The following AOX1 variants were observed in gnomAD, a reference collection of about 807,000 sequenced individuals.
AOX1 encodes aldehyde oxidase.
Under a neutral mutation model 169.5 loss-of-function variants are expected in AOX1, and 153 were observed. That is an observed-to-expected ratio of 0.90 (90% CI 0.79 to 1.03). AOX1 has a LOEUF of 1.03. AOX1 is among the 50% of genes least tolerant of loss of function. The pLI is 0.00. For synonymous variants in AOX1, 562 were observed against 581.9 expected (o/e 0.97, Z 0.49); for missense variants, 1,656 against 1,663.9 (o/e 1.00, Z 0.08).
At chr2:200,660,924 T>C (rs978183593) in intron 29 of AOX1, among the ~76,000 whole-genome samples, 1 of 152,172 alleles carries the variant, frequency 6.6e-6, no homozygotes, top group Non-Finnish European at 1.5e-5. Context: ...TGGAGAAAGC[T>C]GGAGAGAGGT....
At chr2:200,675,558 C>A (rs1372429649), downstream of AOX1, among the ~76,000 whole-genome samples, 3 of 152,112 alleles carry the variant, frequency 2.0e-5, no homozygotes, top group Non-Finnish European at 2.9e-5. Flanking sequence ...TAGCCTTCAA[C>A]CCAGGAATTC....
intron 20 of AOX1, among the ~76,000 whole-genome samples, chr2:200,629,226 A>T (rs370712083): frequency 6.6e-6 from 1 of 152,208 alleles, no homozygotes; most frequent in Non-Finnish European, 1.5e-5. Context: ...ATTGTGTCTT[A>T]TTAGCTGTGT....
intron 5 of AOX1, among the ~76,000 whole-genome samples, chr2:200,601,982 GA>G (rs1454517339): frequency 6.6e-6 from 1 of 151,868 alleles, no homozygotes; most frequent in East Asian, 1.9e-4. Flanking sequence ...CTTAGCTCTT[GA>G]ATGTGACTGT....
chr2:200,603,117 G>A (rs964920975), intron 6 of AOX1, 150 bp from the exon 7 acceptor site: 13 of 615,910 alleles, frequency 2.1e-5, no homozygotes, highest in African/African-American at 1.5e-4. Flanking sequence ...CATTAATGTT[G>A]GTTTGGATAT....
At chr2:200,650,051 C>T (rs543930344) in intron 25 of AOX1, among the ~76,000 whole-genome samples, 3 of 152,196 alleles carry the variant, frequency 2.0e-5, no homozygotes, top group Non-Finnish European at 2.9e-5. Context: ...CCCAATTCAT[C>T]TACCAGCTTT....
intron 32 of AOX1, among the ~76,000 whole-genome samples, chr2:200,667,937 T>G (rs533386602): frequency 1.3e-5 from 2 of 152,114 alleles, no homozygotes; most frequent in South Asian, 4.2e-4. Context: ...GACACATCAG[T>G]CAGGGGGGTT....
At chr2:200,632,020 T>G (rs570674632) in intron 20 of AOX1, among the ~76,000 whole-genome samples, 1 of 152,254 alleles carries the variant, frequency 6.6e-6, no homozygotes, top group Non-Finnish European at 1.5e-5. Context: ...GATTGCAATT[T>G]AAAACATCTC....
chr2:200,669,241 C>T (rs1214985378), intron 33 of AOX1, among the ~76,000 whole-genome samples: 7 of 152,246 alleles, frequency 4.6e-5, no homozygotes, highest in South Asian at 4.1e-4. Flanking sequence ...TCCAAGAGTT[C>T]GAGACCAGCC....
At chr2:200,587,778 TTTG>T (rs1279408688) in intron 1 of AOX1, among the ~76,000 whole-genome samples, 3 of 152,230 alleles carry the variant, frequency 2.0e-5, no homozygotes, top group African/African-American at 4.8e-5. Flanking sequence ...CAACACTGGC[TTTG>T]TTGTTTAGAC....
intron 11 of AOX1, 72 bp downstream of exon 11, chr2:200,609,207 T>C (rs2034579705): frequency 6.3e-7 from 1 of 1,598,526 alleles, no homozygotes; most frequent in Admixed American, 1.7e-5. Context: ...CATGACATTT[T>C]CATTCTTTTG....
rs1439414880 is a variant in AOX1, at chr2:200,642,717, T to C, written c.2763T>C (p.Arg921=). 6.2e-7 allele frequency: 1 copy of C among 1,614,162 alleles called. No homozygotes were observed. The highest frequency in any genetic ancestry group is 1.7e-5 in the Admixed American group (1 of 60,014). Residue 921 remains arginine, a synonymous_variant, in exon 25 of 35, where the codon CGT becomes CGC. Transcript: ENST00000374700. ...ACCTTCCATCCAACACAGCTTTTCGTGGGTTTGGCTTTCCTCAGGCAGCGC... is the reference window on the plus strand; with the variant it reads ...ACCTTCCATCCAACACAGCTTTTCGCGGGTTTGGCTTTCCTCAGGCAGCGC... The part of the protein sequence containing the change: ...RTNLPSNTAF[R]GFGFPQAALI...
intron 4 of AOX1, 60 bp from the exon 5 acceptor site, chr2:200,599,560 A>C: frequency 1.9e-5 from 24 of 1,241,524 alleles, no homozygotes; most frequent in Non-Finnish European, 1.9e-5. Context: ...GCAGGCTCTA[A>C]TTCATTAGGC....
intron 23 of AOX1, among the ~76,000 whole-genome samples, chr2:200,638,910 A>G (rs1268110240): frequency 3.9e-5 from 6 of 151,938 alleles, no homozygotes; most frequent in Non-Finnish European, 8.8e-5. Context: ...ATAATGCTCA[A>G]TATAATCATT....
At chr2:200,672,063 A>T (rs1001087182), downstream of AOX1, among the ~76,000 whole-genome samples, 1 of 152,262 alleles carries the variant, frequency 6.6e-6, no homozygotes, top group Admixed American at 6.5e-5. Context: ...TGCATATTAT[A>T]TGATTCCATC....
Position 200,595,480 on chromosome 2 carries a change from C to T in AOX1, c.200+112C>T, listed in dbSNP as rs979385827. The stretch of plus-strand genomic sequence containing the variant: ...TACCTACCATGTGAAAAGAACTGGC[C>T]ACTTGGCGTACAATGATGAACAAGA... On this transcript the variant is annotated intron_variant, in intron 3 of 34. Coordinates refer to ENST00000374700, the MANE Select transcript of AOX1 (RefSeq NM_001159.4). The T allele has an allele frequency of 2.3e-5, 15 of 650,804 alleles. No homozygotes were observed. In the Admixed American group the frequency reaches 4.4e-4, roughly 19 times the overall value. The allele number at this position is 650,804 out of a possible 1,614,324, so 40.3% of individuals were successfully genotyped here.
intron 5 of AOX1, among the ~76,000 whole-genome samples, chr2:200,600,370 A>G (rs971956545): frequency 2.6e-5 from 4 of 152,184 alleles, no homozygotes; most frequent in African/African-American, 9.7e-5. Flanking sequence ...TACAGCATAA[A>G]GTCAGAGACT....
At chr2:200,667,683 G>C (rs1346235732) in intron 32 of AOX1, among the ~76,000 whole-genome samples, 1 of 152,100 alleles carries the variant, frequency 6.6e-6, no homozygotes, top group Admixed American at 6.5e-5. Flanking sequence ...GATGACTATG[G>C]GGAAGGCCTG....
chr2:200,656,960 T>TGA, intron 27 of AOX1, 23 bp downstream of exon 27: 3 of 1,469,526 alleles, frequency 2.0e-6, no homozygotes, highest in Non-Finnish European at 2.8e-6. Flanking sequence ...ATAACTCGAT[T>TGA]GAGTTGGGTG....
intron 19 of AOX1, among the ~76,000 whole-genome samples, chr2:200,625,370 C>T (rs2034978900): frequency 6.6e-6 from 1 of 152,106 alleles, no homozygotes; most frequent in Admixed American, 6.6e-5. Context: ...ACTCTCCACT[C>T]CCCCTACCTT....
Sources: gnomAD v4.1 joint callset for allele counts (sites outside exome capture counted in the v4.1 genomes callset) on GRCh38, gnomAD v4.1.1 for gene constraint, MANE v1.5 for transcripts, NCBI Gene and HGNC (gene_info 2026-07-23, HGNC 2026-07-21) for gene names.